IGF2BP3: variants seen among roughly 807,000 people sequenced by gnomAD.
The protein encoded by IGF2BP3 is insulin-like growth factor 2 mRNA-binding protein 3.
A neutral mutation model predicts 73.8 loss-of-function variants in IGF2BP3; 9 were observed. The observed-to-expected ratio is 0.12, with a 90% CI of 0.07 to 0.21. The LOEUF is 0.21. Ranked by LOEUF, IGF2BP3 falls within the 10% of genes least tolerant of loss-of-function variation. The probability of loss-of-function intolerance (pLI) is 1.00; values close to 1 mark genes in which losing one functional copy is unlikely to be tolerated. For missense variants in IGF2BP3, 542 were observed against 714.0 expected (o/e 0.76, Z 2.75); for synonymous variants, 258 against 256.7 (o/e 1.01, Z -0.05).
chr7:23,328,778 A>G (rs1031295668), intron 10 of IGF2BP3, among the ~76,000 whole-genome samples: 1 of 152,218 alleles, frequency 6.6e-6, no homozygotes. Context: ...AGTAAGTGCT[A>G]TACCCAAACA....
chr7:23,313,784 G>C lies in IGF2BP3; in HGVS notation c.1396-131C>G, dbSNP rs1783897973. The C allele has an allele frequency of 6.0e-6, 5 of 839,702 alleles. No homozygotes were observed. In the South Asian group the frequency reaches 9.3e-5, roughly 16 times the overall value. The allele number at this position is 839,702 out of a possible 1,614,324, so 52.0% of individuals were successfully genotyped here. ...ATACATCTACATTTCATAGATTGTT[G>C]AAAATAACATAGAAGAGAGCAGTTA... On this transcript the variant is annotated intron_variant, in intron 12 of 14. Transcript: ENST00000258729.
rs138740275 is a variant in IGF2BP3, at chr7:23,311,634, T to G, written c.*728A>C. The G allele has an allele frequency of 0.04, 6,125 of 152,580 alleles. 201 individuals carry two copies. Among genetic ancestry groups the G allele is most frequent in the South Asian group, 0.1 (497 of 4,822 alleles). The allele number at this position is 152,580 out of a possible 1,614,324, so 9.5% of individuals were successfully genotyped here. A position where few individuals can be genotyped will look rare whatever the true frequency, so the allele number is the denominator to read the frequency against. On this transcript the variant is annotated 3_prime_UTR_variant, in exon 15 of 15. Coordinates refer to ENST00000258729, the MANE Select transcript of IGF2BP3 (RefSeq NM_006547.3). Reference sequence around the variant, plus strand: ...CCTGAAATTAATTTTCCAGCTTTACTGTCACCAGCCAGAAGTAAAAATCTT... The same window carrying G: ...CCTGAAATTAATTTTCCAGCTTTACGGTCACCAGCCAGAAGTAAAAATCTT...
At chr7:23,440,231 C>A (rs1274828913) in intron 2 of IGF2BP3, among the ~76,000 whole-genome samples, 1 of 151,266 alleles carries the variant, frequency 6.6e-6, no homozygotes, top group Non-Finnish European at 1.5e-5. Context: ...CCACTGCACT[C>A]CAGCCTGGAC....
chr7:23,319,049 C>A, intron 11 of IGF2BP3, 89 bp downstream of exon 11: 1 of 864,814 alleles, frequency 1.2e-6, no homozygotes, highest in Non-Finnish European at 1.9e-6. Context: ...GTGTCTTTTA[C>A]ATTCTATTCA....
chr7:23,345,961 T>C lies in IGF2BP3; in HGVS notation c.920A>G (p.Asp307Gly), dbSNP rs770455230. ...RNLKKIEQDT[D>G]TKITISPLQE... ...TCACGGAGATATCGTGATTTTAGTG[T>C]CTGTGTCTTGCTCAATTTTTTTAAG... Residue 307 changes from aspartate to glycine, a missense_variant, in exon 8 of 15, where the codon GAC becomes GGC. Asp to Gly is a moderately conservative substitution (Grantham distance 94). This residue lies in a region of IGF2BP3 where 303 missense variants were observed against 472.1 expected (regional missense o/e 0.64). Coordinates refer to ENST00000258729, the MANE Select transcript of IGF2BP3 (RefSeq NM_006547.3). The C allele has an allele frequency of 1.9e-6, 3 of 1,613,004 alleles. No individual in the cohort carries two copies. Among genetic ancestry groups the C allele is most frequent in the African/African-American group, 1.3e-5 (1 of 75,040 alleles).
chr7:23,352,634 CA>C (rs1784994388), intron 5 of IGF2BP3, among the ~76,000 whole-genome samples: 1 of 151,934 alleles, frequency 6.6e-6, no homozygotes, highest in East Asian at 1.9e-4. Flanking sequence ...GAAAAGTGCC[CA>C]AATCTTGAGC....
intron 5 of IGF2BP3, among the ~76,000 whole-genome samples, chr7:23,355,304 A>T (rs945102469): frequency 4.7e-4 from 71 of 151,166 alleles, no homozygotes; most frequent in Non-Finnish European, 1.8e-4. Flanking sequence ...TCACTGCTGC[A>T]ACCTCCACCT....
chr7:23,327,681 A>G (rs1043299566), intron 10 of IGF2BP3, among the ~76,000 whole-genome samples: 6 of 152,166 alleles, frequency 3.9e-5, no homozygotes, highest in Non-Finnish European at 8.8e-5. Context: ...GCCGTTTTCA[A>G]AAATCAGCCA....
At chr7:23,446,077 C>T (rs762967804) in intron 2 of IGF2BP3, among the ~76,000 whole-genome samples, 5 of 152,080 alleles carry the variant, frequency 3.3e-5, no homozygotes, top group Non-Finnish European at 7.4e-5. Flanking sequence ...ATCATCTTTC[C>T]CTCTGTGCTG....
At chr7:23,455,241 G>A (rs1037899818) in intron 2 of IGF2BP3, among the ~76,000 whole-genome samples, 3 of 152,178 alleles carry the variant, frequency 2.0e-5, no homozygotes, top group Non-Finnish European at 2.9e-5. Context: ...GGCTGCTCCA[G>A]CTGCCCTCTC....
chr7:23,313,168 A>G (rs1783880910), intron 13 of IGF2BP3, among the ~76,000 whole-genome samples: 1 of 152,258 alleles, frequency 6.6e-6, no homozygotes, highest in South Asian at 2.1e-4. Context: ...ATTAGAGACT[A>G]GAAACAGTTT....
intron 2 of IGF2BP3, among the ~76,000 whole-genome samples, chr7:23,426,324 A>G (rs1787509556): frequency 7.1e-6 from 1 of 141,530 alleles, no homozygotes; most frequent in Admixed American, 7.1e-5. Context: ...CTGTCTCAAA[A>G]AAAAAAAAAA....
At chr7:23,419,449 G>C (rs1345334028) in intron 2 of IGF2BP3, among the ~76,000 whole-genome samples, 1 of 152,178 alleles carries the variant, frequency 6.6e-6, no homozygotes, top group Non-Finnish European at 1.5e-5. Flanking sequence ...TGTGTTGCTA[G>C]AACTTGTTGC....
chr7:23,468,663 C>G, intron 1 of IGF2BP3, 121 bp from the exon 2 acceptor site: 1 of 965,328 alleles, frequency 1.0e-6, no homozygotes, highest in South Asian at 1.4e-5. Context: ...GCCCCCGAGG[C>G]CCGGACGCGG....
intron 2 of IGF2BP3, among the ~76,000 whole-genome samples, chr7:23,428,837 C>A (rs563560390): frequency 4.0e-5 from 6 of 151,120 alleles, no homozygotes; most frequent in African/African-American, 1.5e-4. Flanking sequence ...CCTTCAGTAT[C>A]ATTATTAATT....
intron 3 of IGF2BP3, chr7:23,413,612 C>T (rs186334608): frequency 4.5e-4 from 69 of 152,242 alleles, no homozygotes; most frequent in African/African-American, 1.6e-3. Context: ...GGCTTTCTCC[C>T]AAAGCCCTAC....
intron 2 of IGF2BP3, among the ~76,000 whole-genome samples, chr7:23,451,370 T>A (rs190745270): frequency 6.6e-6 from 1 of 152,078 alleles, no homozygotes; most frequent in East Asian, 1.9e-4. Flanking sequence ...TGAGCTGAGA[T>A]TGCATCACTG....
At chr7:23,426,796 A>G (rs898409785) in intron 2 of IGF2BP3, among the ~76,000 whole-genome samples, 2 of 152,146 alleles carry the variant, frequency 1.3e-5, no homozygotes, top group African/African-American at 2.4e-5. Context: ...TCTTTCTATG[A>G]TGTTGGCAGC....
At chr7:23,317,921 T>C in intron 11 of IGF2BP3, 1 of 569,138 alleles carries the variant, frequency 1.8e-6, no homozygotes, top group Non-Finnish European at 3.2e-6. Flanking sequence ...TGCCGGGCCC[T>C]AATGGAGACC....
Sources: gnomAD v4.1 joint callset for allele counts (sites outside exome capture counted in the v4.1 genomes callset) on GRCh38, gnomAD v4.1.1 for gene constraint, gnomAD v4.1.1 regional missense constraint, MANE v1.5 for transcripts, NCBI Gene and HGNC (gene_info 2026-07-23, HGNC 2026-07-21) for gene names.